RASA3: variants seen among roughly 807,000 people sequenced by gnomAD.
RASA3 encodes the protein RAS p21 protein activator 3, also known as ras GTPase-activating protein 3.
Under a neutral mutation model 110.0 loss-of-function variants are expected in RASA3, and 73 were observed. The ratio of observed to expected loss-of-function variants is 0.66; its 90% CI spans 0.55 to 0.81. The LOEUF is 0.81. RASA3 is among the 30% of genes least tolerant of loss of function. RASA3 has a pLI of 0.00. For synonymous variants in RASA3, 500 were observed against 451.4 expected (o/e 1.11, Z -1.37); for missense variants, 976 against 1,113.2 (o/e 0.88, Z 1.75).
At chr13:114,129,851 G>A (rs1594488785) in intron 1 of RASA3, among the ~76,000 whole-genome samples, 1 of 152,214 alleles carries the variant, frequency 6.6e-6, no homozygotes, top group African/African-American at 2.4e-5. Context: ...CAAATCCAGC[G>A]CTCCTGGAGA....
chr13:114,017,711 C>T (rs1238908417), intron 11 of RASA3, among the ~76,000 whole-genome samples: 1 of 152,234 alleles, frequency 6.6e-6, no homozygotes, highest in Admixed American at 6.5e-5. Flanking sequence ...GCAAACCCTC[C>T]TGTCAGCTAC....
intron 1 of RASA3, among the ~76,000 whole-genome samples, chr13:114,079,136 T>C (rs1476213762): frequency 6.6e-6 from 1 of 152,220 alleles, no homozygotes; most frequent in East Asian, 1.9e-4. Flanking sequence ...AGGGCTCCAC[T>C]GAGCAAAGCT....
chr13:114,057,522 T>C lies in RASA3; in HGVS notation c.174-5367A>G. 1 of 985,194 alleles carries C rather than the reference T, an allele frequency of 1.0e-6. No individual in the cohort carries two copies. The highest frequency in any genetic ancestry group is 1.2e-6 in the Non-Finnish European group (1 of 829,734). 61.0% of individuals were successfully genotyped at this position (985,194 alleles called of 1,614,324 possible). On this transcript the variant is annotated intron_variant, in intron 2 of 23. Transcript: ENST00000334062. The surrounding 1 kb of genome is among the most constrained non-coding windows in gnomAD (Gnocchi z 5.0). ...TTCAGCTTCTTAGACCGATGATTTA[T>C]TTAGGGAATAAGAAGGGCGATTCCA...
At chr13:113,989,581 CCATCACTCACCCCAGTCCATCCTCT>C (rs2053059257) in intron 22 of RASA3, among the ~76,000 whole-genome samples, 1 of 151,474 alleles carries the variant, frequency 6.6e-6, no homozygotes, top group South Asian at 2.1e-4. Flanking sequence ...ATCTATCCAC[CCATCACTCACCCCAGTCCATCCTCT>C]CATCACTCAC....
intron 20 of RASA3, 31 bp downstream of exon 20, chr13:113,999,554 C>G: frequency 1.3e-6 from 2 of 1,596,090 alleles, no homozygotes; most frequent in South Asian, 1.1e-5. Flanking sequence ...GGCCTCAACC[C>G]GAAAGAGAGG....
chr13:114,097,550 G>T (rs1417707607), intron 1 of RASA3, among the ~76,000 whole-genome samples: 1 of 152,262 alleles, frequency 6.6e-6, no homozygotes, highest in African/African-American at 2.4e-5. Flanking sequence ...CCCACCAGAA[G>T]TGTCTTCCTG....
intron 2 of RASA3, among the ~76,000 whole-genome samples, chr13:114,066,410 C>G (rs913734039): frequency 6.6e-6 from 1 of 152,134 alleles, no homozygotes; most frequent in East Asian, 1.9e-4. Flanking sequence ...GAGCGGGAGG[C>G]GGCCGGGCGA....
At chr13:114,087,959 A>G (rs2079843270) in intron 1 of RASA3, among the ~76,000 whole-genome samples, 2 of 152,122 alleles carry the variant, frequency 1.3e-5, no homozygotes, top group Non-Finnish European at 2.9e-5. Flanking sequence ...GCGAAACCTC[A>G]TCTCTACTAA....
intron 2 of RASA3, among the ~76,000 whole-genome samples, chr13:114,072,608 C>T (rs75025366): frequency 3.3e-5 from 5 of 152,164 alleles, no homozygotes; most frequent in African/African-American, 7.2e-5. Flanking sequence ...AGCACTCGTG[C>T]GAGTCCACGC....
intron 2 of RASA3, among the ~76,000 whole-genome samples, chr13:114,071,508 T>C (rs918645377): frequency 2.0e-5 from 3 of 152,134 alleles, no homozygotes; most frequent in African/African-American, 7.2e-5. Flanking sequence ...GAATGGACTT[T>C]TATCCAGGGA....
intron 23 of RASA3, 43 bp from the exon 24 acceptor site, chr13:113,979,465 T>G (rs911205254): frequency 2.0e-6 from 3 of 1,478,562 alleles, no homozygotes; most frequent in Non-Finnish European, 2.8e-6. Context: ...CAGACCCCGT[T>G]GCCTGGTGCT....
At chr13:114,053,406 G>A (rs984743807) in intron 2 of RASA3, among the ~76,000 whole-genome samples, 2 of 152,266 alleles carry the variant, frequency 1.3e-5, no homozygotes, top group Non-Finnish European at 2.9e-5. Flanking sequence ...ACCTGTTGGC[G>A]ATTACTGCGG....
At chr13:114,129,392 G>A (rs568745776) in intron 1 of RASA3, among the ~76,000 whole-genome samples, 5 of 152,160 alleles carry the variant, frequency 3.3e-5, no homozygotes, top group African/African-American at 2.4e-5. Context: ...TCACTTCTAC[G>A]TGGCGCTCTC....
rs138164689 is a variant in RASA3, at chr13:114,091,102, G to A, written c.56-17265C>T. On this transcript the variant is annotated intron_variant, in intron 1 of 23. Transcript: ENST00000334062. ...AATAACCACAGTTACTAATTTCTTA[G>A]TTTTTTGAGCTAGCATTTCAACTTT... 1.2e-3 allele frequency among the ~76,000 whole-genome samples: 182 copies of A among 152,256 alleles called. 2 individuals carry two copies. Among genetic ancestry groups the A allele is most frequent in the African/African-American group, 4.3e-3 (178 of 41,548 alleles).
intron 1 of RASA3, among the ~76,000 whole-genome samples, chr13:114,124,554 G>A (rs1249486358): frequency 1.3e-5 from 2 of 152,212 alleles, no homozygotes; most frequent in Non-Finnish European, 2.9e-5. Context: ...CACACCCAGA[G>A]AGACCCTGAA....
intron 2 of RASA3, among the ~76,000 whole-genome samples, chr13:114,070,802 C>T (rs567624358): frequency 2.3e-5 from 3 of 127,856 alleles, no homozygotes; most frequent in East Asian, 2.3e-4. Context: ...CGCTAAACGG[C>T]GCCACAGTCT....
At chr13:114,013,592 C>CAA (rs138835612) in intron 14 of RASA3, among the ~76,000 whole-genome samples, 1 of 109,926 alleles carries the variant, frequency 9.1e-6, no homozygotes. Context: ...CTCTCTCTCT[C>CAA]TCCGTCTCTG....
intron 1 of RASA3, among the ~76,000 whole-genome samples, chr13:114,124,162 G>A (rs1346219402): frequency 2.0e-5 from 3 of 152,170 alleles, no homozygotes; most frequent in Admixed American, 6.5e-5. Context: ...GGCACTGACT[G>A]TCCCCAGAAG....
intron 4 of RASA3, among the ~76,000 whole-genome samples, chr13:114,034,171 A>C (rs1288885411): frequency 6.6e-6 from 1 of 152,218 alleles, no homozygotes; most frequent in Non-Finnish European, 1.5e-5. Context: ...ATCCGTGGCT[A>C]TCCACGGGCT....
Sources: allele counts gnomAD v4.1 joint callset (sites outside exome capture counted in the v4.1 genomes callset), GRCh38; gene constraint gnomAD v4.1.1; non-coding constraint Gnocchi (gnomAD v3.1); transcripts MANE v1.5; gene names NCBI Gene and HGNC (gene_info 2026-07-23, HGNC 2026-07-21).